The following CHMP3 variants were observed in gnomAD, a reference collection of about 807,000 sequenced individuals.
CHMP3 encodes the protein charged multivesicular body protein 3, also known as 25.1 protein.
In CHMP3, 8 loss-of-function variants were observed where a neutral mutation model predicts 27.4. The ratio of observed to expected loss-of-function variants is 0.29; its 90% CI spans 0.17 to 0.53. The LOEUF (loss-of-function observed/expected upper bound fraction) is 0.53. Among genes scored for constraint, CHMP3 ranks in the 20% least tolerant of loss-of-function variants. The pLI is 0.96. For missense variants in CHMP3, 208 were observed against 271.5 expected (o/e 0.77, Z 1.64); for synonymous variants, 86 against 85.5 (o/e 1.01, Z -0.03).
At chr2:86,545,692 T>A (rs1308141200) in intron 1 of CHMP3, among the ~76,000 whole-genome samples, 1 of 112,466 alleles carries the variant, frequency 8.9e-6, no homozygotes, top group Non-Finnish European at 1.8e-5. Context: ...AGTTCCCAGA[T>A]AGGGCGGCCA....
intron 2 of CHMP3, among the ~76,000 whole-genome samples, chr2:86,533,209 C>T (rs1459798460): frequency 1.3e-5 from 2 of 152,214 alleles, no homozygotes; most frequent in Non-Finnish European, 2.9e-5. Flanking sequence ...AATTTATTAA[C>T]ATACAATTGT....
chr2:86,519,669 T>G (rs1309858668), intron 3 of CHMP3, among the ~76,000 whole-genome samples: 2 of 152,096 alleles, frequency 1.3e-5, no homozygotes, highest in Non-Finnish European at 2.9e-5. Flanking sequence ...TATGAAACAA[T>G]CAGTTTGTGA....
At chr2:86,521,732 T>A (rs1475306463) in intron 3 of CHMP3, among the ~76,000 whole-genome samples, 1 of 152,248 alleles carries the variant, frequency 6.6e-6, no homozygotes, top group Admixed American at 6.5e-5. Context: ...CCTTCAAGAT[T>A]CGTCCATATT....
Position 86,505,671 on chromosome 2 carries a change from G to C in CHMP3, c.*133C>G, listed in dbSNP as rs1255412473. ...AATCCCTTTGCGATCCCAAAACCTG[G>C]GCAGAGAATGAAAAGAGACAAACAG... On this transcript the variant is annotated 3_prime_UTR_variant, in exon 6 of 6. Transcript: ENST00000263856. The C allele has an allele frequency of 8.1e-7, 1 of 1,241,982 alleles. No homozygotes were observed. Among genetic ancestry groups the C allele is most frequent in the Admixed American group, 3.0e-5 (1 of 33,328 alleles). The allele number at this position is 1,241,982 out of a possible 1,614,324, so 76.9% of individuals were successfully genotyped here.
At chr2:86,544,566 C>A (rs1218148017) in intron 1 of CHMP3, among the ~76,000 whole-genome samples, 1 of 152,138 alleles carries the variant, frequency 6.6e-6, no homozygotes, top group Non-Finnish European at 1.5e-5. Flanking sequence ...ATGCTGCCTT[C>A]AAGCATCTGT....
intron 3 of CHMP3, among the ~76,000 whole-genome samples, chr2:86,519,766 G>A (rs1033702893): frequency 1.3e-5 from 2 of 152,110 alleles, no homozygotes; most frequent in East Asian, 1.9e-4. Context: ...ATTTGAAAAA[G>A]ACAATTATGA....
chr2:86,512,151 T>G (rs1675129599), intron 3 of CHMP3: 1 of 152,226 alleles, frequency 6.6e-6, no homozygotes, highest in Non-Finnish European at 1.5e-5. Context: ...TCTCCAAAAT[T>G]CAGGTGTTGC....
intron 1 of CHMP3, among the ~76,000 whole-genome samples, chr2:86,550,412 GAA>G (rs1676859607): frequency 7.3e-6 from 1 of 136,320 alleles, no homozygotes; most frequent in African/African-American, 3.5e-5. Flanking sequence ...GGGAGAGGGA[GAA>G]AGGGAGAGGG....
At chr2:86,545,820 G>A (rs1676567953) in intron 1 of CHMP3, among the ~76,000 whole-genome samples, 1 of 151,012 alleles carries the variant, frequency 6.6e-6, no homozygotes, top group Non-Finnish European at 1.5e-5. Context: ...TGGCCAGGCA[G>A]AGGCGCTCCT....
intron 3 of CHMP3, among the ~76,000 whole-genome samples, chr2:86,521,284 C>T (rs1011652337): frequency 5.3e-5 from 8 of 152,144 alleles, no homozygotes; most frequent in East Asian, 1.9e-4. Context: ...TTCACATGGA[C>T]GCGCATGAAA....
intron 2 of CHMP3, among the ~76,000 whole-genome samples, chr2:86,534,684 G>C (rs1676056628): frequency 6.6e-6 from 1 of 151,978 alleles, no homozygotes; most frequent in African/African-American, 2.4e-5. Flanking sequence ...TTATCTTCTT[G>C]CTGTATTTAA....
At chr2:86,543,522 G>T (rs1045015909) in intron 1 of CHMP3, among the ~76,000 whole-genome samples, 7 of 152,154 alleles carry the variant, frequency 4.6e-5, no homozygotes, top group African/African-American at 1.7e-4. Context: ...AAGGACATCT[G>T]CCCAGCAACT....
chr2:86,530,140 C>G (rs551589339), intron 2 of CHMP3, among the ~76,000 whole-genome samples: 1 of 151,992 alleles, frequency 6.6e-6, no homozygotes, highest in Non-Finnish European at 1.5e-5. Flanking sequence ...TTACAAGCAC[C>G]CACCACGATG....
intron 1 of CHMP3, among the ~76,000 whole-genome samples, chr2:86,562,535 C>T (rs1677414102): frequency 6.6e-6 from 1 of 152,168 alleles, no homozygotes; most frequent in South Asian, 2.1e-4. Context: ...TCTTCAATTA[C>T]TCTGAGGTGA....
At chr2:86,557,766 G>A (rs185126819) in intron 1 of CHMP3, among the ~76,000 whole-genome samples, 8 of 152,072 alleles carry the variant, frequency 5.3e-5, no homozygotes, top group Non-Finnish European at 5.9e-5. Flanking sequence ...ACCAGCTTCC[G>A]TTCCCCATTC....
In CHMP3 at chr2:86,563,343, C is replaced by T; in HGVS notation, c.6G>A (p.Gly2=). 2 of 1,614,126 alleles carry T rather than the reference C, an allele frequency of 1.2e-6. No individual in the cohort carries two copies. The highest frequency in any genetic ancestry group is 1.7e-6 in the Non-Finnish European group (2 of 1,179,968). M[G]LFGKTQEKPP... is the part of the protein sequence containing the mutation. ...GCTTCTCCTGGGTCTTTCCAAACAG[C>T]CCCATGACGAACTGAACCCGTCTTG... Residue 2 remains glycine, a synonymous_variant, in exon 1 of 6, where the codon GGG becomes GGA. Coordinates refer to ENST00000263856, the MANE Select transcript of CHMP3 (RefSeq NM_016079.4).
At chr2:86,550,252 C>T (rs984709175) in intron 1 of CHMP3, among the ~76,000 whole-genome samples, 5 of 152,320 alleles carry the variant, frequency 3.3e-5, no homozygotes, top group Admixed American at 2.0e-4. Flanking sequence ...GGCGCACGCC[C>T]GCAATCCCAG....
intron 1 of CHMP3, among the ~76,000 whole-genome samples, chr2:86,544,777 T>C (rs750779442): frequency 1.3e-5 from 2 of 152,216 alleles, no homozygotes; most frequent in Non-Finnish European, 2.9e-5. Flanking sequence ...TGATCTCTCT[T>C]TTCCCCACAT....
intron 1 of CHMP3, among the ~76,000 whole-genome samples, chr2:86,548,344 A>G (rs547154346): frequency 6.6e-6 from 1 of 152,332 alleles, no homozygotes; most frequent in South Asian, 2.1e-4. Flanking sequence ...GGCCTTCCGC[A>G]GTATTTGTGT....
Sources: allele counts gnomAD v4.1 joint callset (sites outside exome capture counted in the v4.1 genomes callset), GRCh38; gene constraint gnomAD v4.1.1; transcripts MANE v1.5; gene names NCBI Gene and HGNC (gene_info 2026-07-23, HGNC 2026-07-21).